Variants in ACBD4 observed in about 807,000 individuals in gnomAD.
ACBD4 encodes acyl-CoA-binding domain-containing protein 4.
ACBD4 carries 41 observed loss-of-function variants against 46.0 expected under a neutral mutation model. The ratio of observed to expected loss-of-function variants is 0.89; its 90% CI spans 0.69 to 1.16. ACBD4 has a LOEUF of 1.16. ACBD4 is among the 50% of genes most tolerant of loss of function. The probability of loss-of-function intolerance (pLI) is 0.00; values close to 1 mark genes in which losing one functional copy is unlikely to be tolerated. For synonymous variants in ACBD4, 162 were observed against 155.9 expected (o/e 1.04, Z -0.29); for missense variants, 393 against 399.5 (o/e 0.98, Z 0.14).
intron 9 of ACBD4, among the ~76,000 whole-genome samples, chr17:45,141,658 C>G (rs1478260739): frequency 6.6e-6 from 1 of 151,958 alleles, no homozygotes; most frequent in African/African-American, 2.4e-5. Flanking sequence ...GACCCTGTCT[C>G]AAAAAAACGC....
upstream of ACBD4, among the ~76,000 whole-genome samples, chr17:45,134,769 C>T (rs554140911): frequency 6.6e-6 from 1 of 151,182 alleles, no homozygotes; most frequent in Non-Finnish European, 1.5e-5. Flanking sequence ...AGTGAGACTC[C>T]GTCTCAAAAA....
intron 9 of ACBD4, among the ~76,000 whole-genome samples, chr17:45,141,614 G>A (rs1487427004): frequency 6.6e-6 from 1 of 152,104 alleles, no homozygotes; most frequent in Non-Finnish European, 1.5e-5. Context: ...AACTATGATG[G>A]TGTCACTGCA....
chr17:45,142,389 C>CAAAAAAAAAAAAAAAAAAAAAAAAAA (rs1161132274), intron 9 of ACBD4, among the ~76,000 whole-genome samples: 3 of 28,582 alleles, frequency 1.0e-4, no homozygotes, highest in Admixed American at 6.4e-4. Flanking sequence ...CAAGACTCCT[C>CAAAAAAAAAAAAAAAAAAAAAAAAAA]AAAAAAAAAA....
chr17:45,137,978 C>A lies in ACBD4; in HGVS notation c.639C>A (p.Pro213=), dbSNP rs751965924. 8 of 1,613,372 alleles carry A rather than the reference C, an allele frequency of 5.0e-6. No individual in the cohort carries two copies. Among genetic ancestry groups the A allele is most frequent in the Non-Finnish European group, 6.8e-6 (8 of 1,179,904 alleles). Residue 213 remains proline (P), a synonymous_variant, in exon 8 of 10, where the codon CCC becomes CCA. Coordinates refer to ENST00000321854, the MANE Select transcript of ACBD4 (RefSeq NM_001135705.3). Reference sequence around the variant, plus strand: ...ATCCCAGGAACAGCCCCGTGCCCCCCACAAAGAAAGGTGAGCTCCTACCCA... The same window carrying A: ...ATCCCAGGAACAGCCCCGTGCCCCCAACAAAGAAAGGTGAGCTCCTACCCA... The part of the protein sequence containing the change: ...KRDPRNSPVP[P]TKKEGLRGSP...
At chr17:45,138,119 T>C in intron 8 of ACBD4, 131 bp downstream of exon 8, 1 of 1,006,706 alleles carries the variant, frequency 9.9e-7, no homozygotes, top group Non-Finnish European at 1.5e-6. Context: ...GAAGCCTCTG[T>C]CCAGGAAGGG....
chr17:45,137,863 C>T (rs766958779), intron 7 of ACBD4, 33 bp downstream of exon 7: 1 of 1,611,348 alleles, frequency 6.2e-7, no homozygotes, highest in Admixed American at 1.7e-5. Flanking sequence ...CCTTTTCCCA[C>T]CCCACTGTGC....
Position 45,143,872 on chromosome 17 carries a change from G to A in ACBD4, c.*301G>A, listed in dbSNP as rs956806065. The A allele has an allele frequency of 2.3e-6, 1 of 437,902 alleles. No homozygotes were observed. Among genetic ancestry groups the A allele is most frequent in the South Asian group, 3.4e-5 (1 of 29,562 alleles). The allele number at this position is 437,902 out of a possible 1,614,324, so 27.1% of individuals were successfully genotyped here. A position where few individuals can be genotyped will look rare whatever the true frequency, so the allele number is the denominator to read the frequency against. ...GCGGGGCGATCGGGTCTCAGCCCCT[G>A]CCTTCCCCAGTCTCTGGGTCACCCG... is the stretch of plus-strand genomic sequence containing the variant. On this transcript the variant is annotated 3_prime_UTR_variant, in exon 10 of 10. Transcript: ENST00000321854.
Position 45,137,320 on chromosome 17 carries a change from G to A in ACBD4, c.416-48G>A, listed in dbSNP as rs766221425. The A allele has an allele frequency of 5.0e-6, 8 of 1,609,212 alleles. No homozygotes were observed. The East Asian group carries it at 1.6e-4, about 31-fold the overall frequency. On this transcript the variant is annotated intron_variant, in intron 5 of 9. Coordinates refer to ENST00000321854, the MANE Select transcript of ACBD4 (RefSeq NM_001135705.3). ...GAGTAGGGGCTTGATCACACTGGGA[G>A]GTGCCAGCCTCTCCCCAGGCCCACC...
chr17:45,134,905 C>G (rs984747702), upstream of ACBD4, among the ~76,000 whole-genome samples: 51 of 147,858 alleles, frequency 3.4e-4, no homozygotes, highest in African/African-American at 1.2e-3. Context: ...GTACCCATTT[C>G]CCCCCCTCCC....
chr17:45,142,605 GA>G (rs2055361598), intron 9 of ACBD4: 1 of 221,934 alleles, frequency 4.5e-6, no homozygotes, highest in Non-Finnish European at 9.3e-6. Context: ...GGTCAGACTG[GA>G]GTGAAGTGGC....
intron 4 of ACBD4, 77 bp downstream of exon 4, chr17:45,136,853 T>C: frequency 6.3e-7 from 1 of 1,592,808 alleles, no homozygotes; most frequent in East Asian, 2.2e-5. Flanking sequence ...CCCACTACGT[T>C]TCCTACACAT....
rs1018244040 is a variant in ACBD4, at chr17:45,139,253, C to A, written c.789+93C>A. 7.9e-6 allele frequency: 10 copies of A among 1,260,690 alleles called. No individual in the cohort carries two copies. In the African/African-American group the frequency reaches 1.3e-4, roughly 17 times the overall value. The allele number at this position is 1,260,690 out of a possible 1,614,324, so 78.1% of individuals were successfully genotyped here. A position where few individuals can be genotyped will look rare whatever the true frequency, so the allele number is the denominator to read the frequency against. ...AGCCACTTTTGTTTTTGTCCTCACGCCTCCACCTGCCCACATCTCTCTCCA... is the reference window on the plus strand; with the variant it reads ...AGCCACTTTTGTTTTTGTCCTCACGACTCCACCTGCCCACATCTCTCTCCA... On this transcript the variant is annotated intron_variant, in intron 9 of 9. Transcript: ENST00000321854.
At chr17:45,135,106 C>G (rs28588212), upstream of ACBD4, among the ~76,000 whole-genome samples, 3 of 152,004 alleles carry the variant, frequency 2.0e-5, no homozygotes, top group Non-Finnish European at 4.4e-5. Context: ...GCTGGGATTA[C>G]AGGCGCGCGC....
In ACBD4 at chr17:45,137,847, T is replaced by G; in HGVS notation, c.573+17T>G. The G allele has an allele frequency of 6.2e-7, 1 of 1,611,190 alleles. No homozygotes were observed. The highest frequency in any genetic ancestry group is 8.5e-7 in the Non-Finnish European group (1 of 1,177,620). On this transcript the variant is annotated intron_variant, in intron 7 of 9. Transcript: ENST00000321854. Reference sequence around the variant, plus strand: ...CCTGAGCTGGTGAGCCCAGTCCCCATTCCCCCCTTTTCCCACCCCACTGTG... The same window carrying G: ...CCTGAGCTGGTGAGCCCAGTCCCCAGTCCCCCCTTTTCCCACCCCACTGTG...
chr17:45,134,539 G>C (rs764437687), upstream of ACBD4, among the ~76,000 whole-genome samples: 1 of 152,224 alleles, frequency 6.6e-6, no homozygotes, highest in Non-Finnish European at 1.5e-5. Flanking sequence ...CACTTTGGGA[G>C]GCCGAGGTCG....
chr17:45,132,536 G>A (rs917860033), upstream of ACBD4: 14 of 274,558 alleles, frequency 5.1e-5, no homozygotes, highest in East Asian at 1.1e-3. The surrounding 1 kb of genome is among the most constrained non-coding windows in gnomAD (Gnocchi z 4.6). Flanking sequence ...GCGCGGGAGG[G>A]AGTCGGAGGA....
chr17:45,139,234 T>A, intron 9 of ACBD4, 74 bp downstream of exon 9: 2 of 1,534,252 alleles, frequency 1.3e-6, no homozygotes, highest in Admixed American at 3.4e-5. Flanking sequence ...TTCCAGCCAC[T>A]TTTGTTTTTG....
rs1433392166 is a variant in ACBD4 at position 45,139,001 on chromosome 17, T to C, written c.650-20T>C. 1 of 1,611,530 alleles carries C rather than the reference T, an allele frequency of 6.2e-7. No individual in the cohort carries two copies. The highest frequency in any genetic ancestry group is 8.5e-7 in the Non-Finnish European group (1 of 1,179,796). The stretch of plus-strand genomic sequence containing the variant: ...GAATTGCCTCCTGAGCCCCCTTCCC[T>C]GTGTGTCTGTGCTCCGCAGAGGGGT... On this transcript the variant is annotated intron_variant, in intron 8 of 9. Coordinates refer to ENST00000321854, the MANE Select transcript of ACBD4 (RefSeq NM_001135705.3).
Position 45,143,787 on chromosome 17 carries a change from C to T in ACBD4, c.*216C>T, listed in dbSNP as rs894261322. 4.0e-6 allele frequency: 3 copies of T among 755,392 alleles called. No individual in the cohort carries two copies. The highest frequency in any genetic ancestry group is 3.8e-4 in the Middle Eastern group (1 of 2,664). The allele number at this position is 755,392 out of a possible 1,614,324, so 46.8% of individuals were successfully genotyped here. A position where few individuals can be genotyped will look rare whatever the true frequency, so the allele number is the denominator to read the frequency against. On this transcript the variant is annotated 3_prime_UTR_variant, in exon 10 of 10. Coordinates refer to ENST00000321854, the MANE Select transcript of ACBD4 (RefSeq NM_001135705.3). ...TCCCTCCCCGCAACCACCCCAGGCT[C>T]CCCTGGGAGGCTGCAGTTGTGGTAC...
Sources: allele counts gnomAD v4.1 joint callset (sites outside exome capture counted in the v4.1 genomes callset), GRCh38; gene constraint gnomAD v4.1.1; non-coding constraint Gnocchi (gnomAD v3.1); transcripts MANE v1.5; gene names NCBI Gene and HGNC (gene_info 2026-07-23, HGNC 2026-07-21).